The following CCDC141 variants were observed in gnomAD, a reference collection of about 807,000 sequenced individuals.
CCDC141 encodes the protein coiled-coil domain containing 141, also known as coiled-coil domain-containing protein 141.
In CCDC141, 168 loss-of-function variants were observed where a neutral mutation model predicts 181.0. The ratio of observed to expected loss-of-function variants is 0.93; its 90% CI spans 0.82 to 1.05. The LOEUF is 1.05. Ranked by LOEUF, CCDC141 falls within the 50% of genes least tolerant of loss-of-function variation. The pLI is 0.00. For synonymous variants in CCDC141, 666 were observed against 642.3 expected, an observed-to-expected ratio of 1.04 and a Z score of -0.56; for missense variants, 1,902 against 1,788.5, an observed-to-expected ratio of 1.06 and a Z score of -1.14.
At chr2:178,920,344 C>T (rs1688630351) in intron 6 of CCDC141, among the ~76,000 whole-genome samples, 1 of 152,134 alleles carries the variant, frequency 6.6e-6, no homozygotes, top group African/African-American at 2.4e-5. Context: ...TTATTGTTTC[C>T]ATTCATTCAT....
intron 11 of CCDC141, among the ~76,000 whole-genome samples, chr2:178,882,324 G>T (rs139346025): frequency 6.6e-6 from 1 of 151,916 alleles, no homozygotes; most frequent in Non-Finnish European, 1.5e-5. Flanking sequence ...AGCCAAAATC[G>T]CGCCATTGCA....
rs143988448 is a variant in CCDC141 at position 178,933,099 on chromosome 2, G to A, written c.897+11436C>T. 9.2e-5 allele frequency among the ~76,000 whole-genome samples: 14 copies of A among 152,168 alleles called. No homozygotes were observed. In the East Asian group the frequency reaches 9.6e-4, roughly 10 times the overall value. ...AATATTTTCAATGACTTGGAAAATC[G>A]GATTAGATGATGAATTGTGGAAGAT... On this transcript the variant is annotated intron_variant, in intron 6 of 23. Transcript: ENST00000443758.
At chr2:178,980,539 G>A (rs1398404712) in intron 2 of CCDC141, among the ~76,000 whole-genome samples, 1 of 152,188 alleles carries the variant, frequency 6.6e-6, no homozygotes, top group African/African-American at 2.4e-5. Context: ...CAAAACTAAG[G>A]CTGAAGCAAG....
In CCDC141 at chr2:178,947,191, C is replaced by A. The variant is rs145515774; in HGVS notation, c.781-2540G>T. Among the ~76,000 whole-genome samples, 733 of 152,252 alleles carry A rather than the reference C, an allele frequency of 4.8e-3. 31 individuals are homozygous for A. In the South Asian group the frequency reaches 0.088, roughly 18 times the overall value. ...CCAGTAAATCAGTCATTGTGCCCAG[C>A]GAGTAGCTACTGCAGACAGCTGCAT... On this transcript the variant is annotated intron_variant, in intron 5 of 23. Transcript: ENST00000443758.
rs1690968387 is a variant in CCDC141, at chr2:178,973,062, A to T, written c.526+1995T>A. 2.0e-5 allele frequency among the ~76,000 whole-genome samples: 3 copies of T among 152,344 alleles called. No individual in the cohort carries two copies. In the East Asian group the frequency reaches 5.8e-4, roughly 29 times the overall value. On this transcript the variant is annotated intron_variant, in intron 4 of 23. Coordinates refer to ENST00000443758, the MANE Select transcript of CCDC141 (RefSeq NM_173648.4). ...AGAATGGCTAGCTGCACTTATAGAC[A>T]TATTTTATTTCCTTAAATTTAAAGG...
chr2:178,907,156 G>A (rs1178331908), intron 7 of CCDC141, among the ~76,000 whole-genome samples: 1 of 152,150 alleles, frequency 6.6e-6, no homozygotes, highest in Non-Finnish European at 1.5e-5. Context: ...CTTCAATACT[G>A]TGTGTTGCAC....
intron 1 of CCDC141, 53 bp from the exon 2 acceptor site, chr2:179,047,459 C>T: frequency 7.4e-7 from 1 of 1,358,668 alleles, no homozygotes; most frequent in Non-Finnish European, 9.7e-7. Flanking sequence ...GTTCCTTCCT[C>T]TTCACCCTTC....
Position 178,961,394 on chromosome 2 carries a change from T to C in CCDC141, c.616A>G (p.Asn206Asp). ...EKFKCEGPNV[N>D]PELTQGAHSS... ...TGAGCTCCCTGAGTCAACTCAGGAT[T>C]CACATTAGGTCCTTCACACTTGAAT... The change falls in exon 5 of 24, where the codon AAT becomes GAT. Residue 206 changes from asparagine to aspartate, a missense_variant. By Grantham distance (23) the Asn-to-Asp change is conservative. Transcript: ENST00000443758. The C allele has an allele frequency of 6.4e-7, 1 of 1,550,572 alleles. No homozygotes were observed. Among genetic ancestry groups the C allele is most frequent in the Admixed American group, 2.0e-5 (1 of 51,002 alleles).
intron 5 of CCDC141, among the ~76,000 whole-genome samples, chr2:178,960,759 A>G (rs1690363418): frequency 6.6e-6 from 1 of 152,200 alleles, no homozygotes; most frequent in African/African-American, 2.4e-5. Flanking sequence ...GCTATGGGCC[A>G]AGGTCATATT....
intron 2 of CCDC141, among the ~76,000 whole-genome samples, chr2:179,031,100 T>C (rs2042987635): frequency 6.6e-6 from 1 of 152,066 alleles, no homozygotes; most frequent in African/African-American, 2.4e-5. Flanking sequence ...GAAGTTTTAA[T>C]ATAAAAAAGA....
In CCDC141 at chr2:178,931,712, G is replaced by T. The variant is rs527889254; in HGVS notation, c.898-12805C>A. Among the ~76,000 whole-genome samples, 123 of 150,070 alleles carry T rather than the reference G, an allele frequency of 8.2e-4. 1 individual carries two copies. The highest frequency in any genetic ancestry group is 2.7e-3 in the African/African-American group (110 of 41,436). ...AATGAGTGTGGTGTTTCTTTTTGGA[G>T]TTATGAAAATATTCTGAACTAGGTA... On this transcript the variant is annotated intron_variant, in intron 6 of 23. Transcript: ENST00000443758.
At chr2:178,933,288 A>G (rs6733094) in intron 6 of CCDC141, among the ~76,000 whole-genome samples, 4,368 of 152,310 alleles carry the variant, frequency 0.029, 212 homozygotes, top group African/African-American at 0.099. Flanking sequence ...AGACAACAAT[A>G]TAAGAAGTCA....
intron 7 of CCDC141, among the ~76,000 whole-genome samples, chr2:178,916,483 G>A (rs912161458): frequency 6.6e-6 from 1 of 151,554 alleles, no homozygotes; most frequent in Admixed American, 6.6e-5. Context: ...AGATTTACAC[G>A]ACATAATTTC....
intron 2 of CCDC141, among the ~76,000 whole-genome samples, chr2:178,982,545 C>T (rs985513460): frequency 6.6e-6 from 1 of 152,212 alleles, no homozygotes; most frequent in African/African-American, 2.4e-5. Context: ...GCATTTCCAT[C>T]TGAGGTACCG....
chr2:178,938,151 A>G (rs2154376538), intron 6 of CCDC141, among the ~76,000 whole-genome samples: 1 of 151,888 alleles, frequency 6.6e-6, no homozygotes, highest in South Asian at 2.1e-4. Context: ...TGTTGCAATG[A>G]TAGGTTGTTA....
At chr2:178,903,523 G>A (rs919712978) in intron 8 of CCDC141, among the ~76,000 whole-genome samples, 14 of 145,116 alleles carry the variant, frequency 9.6e-5, no homozygotes, top group Admixed American at 6.5e-4. Context: ...ACCAAACACC[G>A]CATATTCTCA....
intron 12 of CCDC141, chr2:178,874,960 T>C (rs1686294011): frequency 6.6e-6 from 1 of 152,132 alleles, no homozygotes; most frequent in Non-Finnish European, 1.5e-5. Flanking sequence ...CAAACAAAGA[T>C]TGGAGTTTGT....
intron 8 of CCDC141, among the ~76,000 whole-genome samples, chr2:178,904,358 C>G (rs1373550246): frequency 6.6e-6 from 1 of 152,168 alleles, no homozygotes. Flanking sequence ...TTAAATACCC[C>G]TGTCCAGATT....
chr2:178,851,997 A>C (rs780091748), intron 20 of CCDC141, among the ~76,000 whole-genome samples: 16 of 152,150 alleles, frequency 1.1e-4, no homozygotes, highest in Non-Finnish European at 2.1e-4. Flanking sequence ...ACAGACGGAG[A>C]CTCATGTCAT....
Sources: allele counts gnomAD v4.1 joint callset (sites outside exome capture counted in the v4.1 genomes callset), GRCh38; gene constraint gnomAD v4.1.1; transcripts MANE v1.5; gene names NCBI Gene and HGNC (gene_info 2026-07-23, HGNC 2026-07-21).